The following LAMA3 variants were observed in gnomAD, a reference collection of about 807,000 sequenced individuals.
The protein encoded by LAMA3 is laminin subunit alpha-3.
Under a neutral mutation model 402.0 loss-of-function variants are expected in LAMA3, and 281 were observed. The ratio of observed to expected loss-of-function variants is 0.70; its 90% confidence interval spans 0.63 to 0.77. LAMA3 has a LOEUF of 0.77. LAMA3 is among the 30% of genes least tolerant of loss of function. The pLI is 0.00. For synonymous variants in LAMA3, 1,431 were observed against 1,558.4 expected (o/e 0.92, Z 1.93); for missense variants, 3,840 against 4,215.5 (o/e 0.91, Z 2.47).
At chr18:23,770,835 A>G (rs1191863768) in intron 8 of LAMA3, among the ~76,000 whole-genome samples, 1 of 152,154 alleles carries the variant, frequency 6.6e-6, no homozygotes, top group Non-Finnish European at 1.5e-5. Flanking sequence ...TTAAGATTAC[A>G]ATGACATACT....
chr18:23,753,751 G>T lies in LAMA3; in HGVS notation c.886G>T (p.Gly296Cys). 6.2e-7 allele frequency: 1 copy of T among 1,613,874 alleles called. No individual in the cohort carries two copies. Among genetic ancestry groups the T allele is most frequent in the Non-Finnish European group, 8.5e-7 (1 of 1,179,756 alleles). ...YYYSIKDISIGGQCVCNGHAE... is the reference protein window; with the variant it reads ...YYYSIKDISICGQCVCNGHAE... The stretch of plus-strand genomic sequence containing the variant: ...TTACAGCATAAAGGACATCAGCATT[G>T]GTGGGCAGTGTGTTTGCAATGGCCA... Residue 296 changes from glycine to cysteine, a missense_variant, in exon 6 of 75, where the codon GGT becomes TGT. Coordinates refer to ENST00000313654, the MANE Select transcript of LAMA3 (RefSeq NM_198129.4).
chr18:23,811,887 T>G (rs1373269499), intron 13 of LAMA3, among the ~76,000 whole-genome samples: 2 of 152,026 alleles, frequency 1.3e-5, no homozygotes, highest in African/African-American at 4.8e-5. Flanking sequence ...ATTTTATTTT[T>G]TTTTGAGACA....
At chr18:23,903,173 A>G (rs2081131179) in intron 49 of LAMA3, 48 bp downstream of exon 49, 2 of 1,165,622 alleles carry the variant, frequency 1.7e-6, no homozygotes, top group Non-Finnish European at 2.6e-6. Flanking sequence ...CATTTTAATT[A>G]TATTGTGAGA....
intron 15 of LAMA3, 100 bp from the exon 16 acceptor site, chr18:23,815,088 G>C (rs2063149449): frequency 3.8e-6 from 4 of 1,052,032 alleles, no homozygotes; most frequent in Non-Finnish European, 5.9e-6. Flanking sequence ...CGCTGGCAAG[G>C]CCAACTGCAC....
chr18:23,701,656 C>T (rs1017275503), intron 1 of LAMA3, among the ~76,000 whole-genome samples: 2 of 152,250 alleles, frequency 1.3e-5, no homozygotes, highest in Admixed American at 1.3e-4. Flanking sequence ...GCCCTCAGAG[C>T]AGTTATAATC....
chr18:23,853,500 C>T (rs1192412519), intron 32 of LAMA3, among the ~76,000 whole-genome samples: 1 of 152,026 alleles, frequency 6.6e-6, no homozygotes, highest in Non-Finnish European at 1.5e-5. Context: ...CTCGAACTCC[C>T]GACCTCAGGT....
intron 42 of LAMA3, among the ~76,000 whole-genome samples, chr18:23,893,082 A>G (rs2080741504): frequency 6.6e-6 from 1 of 152,070 alleles, no homozygotes; most frequent in African/African-American, 2.4e-5. Context: ...TAATTAATTT[A>G]TATTATTTTT....
chr18:23,729,904 G>A (rs757113027), intron 2 of LAMA3, among the ~76,000 whole-genome samples: 27 of 152,324 alleles, frequency 1.8e-4, no homozygotes, highest in Middle Eastern at 3.4e-3. Flanking sequence ...GTCTGTGCTG[G>A]GCTTAGCTGG....
chr18:23,777,516 C>T (rs1209788979), intron 10 of LAMA3, 41 bp from the exon 11 acceptor site: 2 of 1,346,760 alleles, frequency 1.5e-6, no homozygotes, highest in East Asian at 2.3e-5. Flanking sequence ...TTACTATCTC[C>T]TTAATCATCC....
Position 23,833,904 on chromosome 18 carries a change from C to T in LAMA3, c.2900C>T (p.Ala967Val). 2 of 1,614,110 alleles carry T rather than the reference C, an allele frequency of 1.2e-6. No individual in the cohort carries two copies. The highest frequency in any genetic ancestry group is 2.2e-5 in the South Asian group (2 of 91,076). ...VVVVEYSTEA[A>V]QLFVVDVNVK... Reference sequence around the variant, plus strand: ...GTGGTCGAGTATTCCACGGAGGCAGCTCAGCTGTTTGTGGTTGATGTGAAT... The same window carrying T: ...GTGGTCGAGTATTCCACGGAGGCAGTTCAGCTGTTTGTGGTTGATGTGAAT... Residue 967 changes from alanine to valine, a missense_variant, in exon 24 of 75, where the codon GCT becomes GTT. By Grantham distance (64) the Ala-to-Val change is moderately conservative. Transcript: ENST00000313654.
chr18:23,765,688 A>G (rs1480791474), intron 8 of LAMA3, among the ~76,000 whole-genome samples: 1 of 152,222 alleles, frequency 6.6e-6, no homozygotes, highest in Admixed American at 6.5e-5. Context: ...TGCTATTATA[A>G]TTATGCTCAA....
chr18:23,752,685 G>C (rs935278647), intron 5 of LAMA3, among the ~76,000 whole-genome samples: 1 of 152,114 alleles, frequency 6.6e-6, no homozygotes, highest in African/African-American at 2.4e-5. Context: ...TATTAACAAG[G>C]GGGGCTGTTA....
chr18:23,850,723 A>C (rs2063924594), intron 32 of LAMA3, among the ~76,000 whole-genome samples: 1 of 152,240 alleles, frequency 6.6e-6, no homozygotes, highest in Non-Finnish European at 1.5e-5. Context: ...ATGAAAAAGT[A>C]AATTTGCATC....
intron 55 of LAMA3, among the ~76,000 whole-genome samples, chr18:23,910,013 TC>T (rs1021633518): frequency 1.3e-4 from 20 of 152,138 alleles, no homozygotes; most frequent in African/African-American, 4.8e-4. Context: ...AGCAAAGTAT[TC>T]CCAACATAAA....
intron 1 of LAMA3, among the ~76,000 whole-genome samples, chr18:23,708,233 T>G (rs904992565): frequency 1.3e-5 from 2 of 152,158 alleles, no homozygotes; most frequent in Non-Finnish European, 2.9e-5. Flanking sequence ...GTCCGATAGG[T>G]CTGTTTGTCT....
At chr18:23,949,092 TC>T (rs2082813391) in intron 70 of LAMA3, among the ~76,000 whole-genome samples, 1 of 152,178 alleles carries the variant, frequency 6.6e-6, no homozygotes, top group Non-Finnish European at 1.5e-5. Context: ...ACAAGCCTGT[TC>T]CTGGGCCCCA....
At chr18:23,869,953 G>C (rs1269666941) in intron 37 of LAMA3, among the ~76,000 whole-genome samples, 1 of 151,752 alleles carries the variant, frequency 6.6e-6, no homozygotes, top group African/African-American at 2.4e-5. Flanking sequence ...CTGCAGTCAG[G>C]AGTTTGAGAC....
Position 23,946,165 on chromosome 18 carries a change from G to A in LAMA3, c.9232G>A (p.Glu3078Lys), listed in dbSNP as rs1200574707. ...GAAGGTGGTGTTTGGCCATGATGGG[G>A]AAAAGGGGCGCTTGGTTGTGGATGG... Reference protein sequence around the residue: ...WHTVVFGHDGEKGRLVVDGLR... With the variant: ...WHTVVFGHDGKKGRLVVDGLR... Residue 3078 changes from glutamate to lysine, a missense_variant, in exon 70 of 75, where the codon GAA becomes AAA. Physicochemically the swap from Glu to Lys is moderately conservative, Grantham distance 56 (BLOSUM62 1). This residue lies in a region of LAMA3 where 840 missense variants were observed against 981.9 expected (regional missense o/e 0.86). Coordinates refer to ENST00000313654, the MANE Select transcript of LAMA3 (RefSeq NM_198129.4). The A allele has an allele frequency of 6.2e-7, 1 of 1,614,044 alleles. No homozygotes were observed. The highest frequency in any genetic ancestry group is 8.5e-7 in the Non-Finnish European group (1 of 1,179,938).
intron 41 of LAMA3, among the ~76,000 whole-genome samples, chr18:23,889,271 T>C (rs1249598326): frequency 1.3e-5 from 2 of 152,162 alleles, no homozygotes; most frequent in East Asian, 3.9e-4. Context: ...TGCTAAATAT[T>C]AAAAAATTAA....
Sources: gnomAD v4.1 joint callset for allele counts (sites outside exome capture counted in the v4.1 genomes callset) on GRCh38, gnomAD v4.1.1 for gene constraint, gnomAD v4.1.1 regional missense constraint, MANE v1.5 for transcripts, NCBI Gene and HGNC (gene_info 2026-07-23, HGNC 2026-07-21) for gene names.